The following PDE8A variants were observed in gnomAD, a reference collection of about 807,000 sequenced individuals.
PDE8A encodes the protein phosphodiesterase 8A.
In PDE8A, 59 loss-of-function variants were observed where a neutral mutation model predicts 105.0. The ratio of observed to expected loss-of-function variants is 0.56; its 90% CI spans 0.46 to 0.70. The LOEUF (loss-of-function observed/expected upper bound fraction) is 0.70. PDE8A is among the 30% of genes least tolerant of loss of function. The pLI is 0.00. For synonymous variants in PDE8A, 355 were observed against 371.9 expected (o/e 0.95, Z 0.52); for missense variants, 1,014 against 1,045.9 (o/e 0.97, Z 0.42).
chr15:85,118,746 C>A (rs2082134701), intron 17 of PDE8A, among the ~76,000 whole-genome samples: 2 of 152,218 alleles, frequency 1.3e-5, no homozygotes, highest in South Asian at 4.1e-4. Flanking sequence ...GCTCCCTTGA[C>A]TGGGGCCTAA....
chr15:85,054,105 T>A (rs2081020538), intron 1 of PDE8A, among the ~76,000 whole-genome samples: 1 of 150,694 alleles, frequency 6.6e-6, no homozygotes, highest in South Asian at 2.1e-4. Flanking sequence ...GTTCTGTTTA[T>A]ATGCTGGATT....
intron 20 of PDE8A, among the ~76,000 whole-genome samples, chr15:85,134,390 G>A (rs1345644867): frequency 6.6e-6 from 1 of 152,160 alleles, no homozygotes; most frequent in Non-Finnish European, 1.5e-5. Context: ...GGCCCATGGG[G>A]TGTGAACCCA....
chr15:84,997,181 G>A (rs575505290), intron 1 of PDE8A, among the ~76,000 whole-genome samples: 1 of 151,792 alleles, frequency 6.6e-6, no homozygotes, highest in African/African-American at 2.4e-5. Flanking sequence ...TACTCTATAA[G>A]CTTTTCTCCA....
chr15:84,985,435 A>C (rs1235259318), intron 1 of PDE8A, among the ~76,000 whole-genome samples: 1 of 152,200 alleles, frequency 6.6e-6, no homozygotes, highest in Non-Finnish European at 1.5e-5. Context: ...AATCAGTGTG[A>C]GTGAGCCTTA....
chr15:85,075,460 G>T (rs905138780), intron 3 of PDE8A, among the ~76,000 whole-genome samples: 3 of 152,190 alleles, frequency 2.0e-5, no homozygotes, highest in Non-Finnish European at 4.4e-5. Flanking sequence ...TATCCCCGTT[G>T]TAAGCATAGC....
chr15:85,051,920 C>T (rs145425801), intron 1 of PDE8A, among the ~76,000 whole-genome samples: 239 of 152,168 alleles, frequency 1.6e-3, no homozygotes, highest in African/African-American at 5.3e-3. Flanking sequence ...GTGCTGCACC[C>T]GTTAACTCAT....
chr15:85,072,348 G>C (rs138795447), intron 3 of PDE8A, among the ~76,000 whole-genome samples: 1 of 152,294 alleles, frequency 6.6e-6, no homozygotes, highest in African/African-American at 2.4e-5. Flanking sequence ...ATTATTTGTA[G>C]TTGCCTAGAG....
At chr15:85,035,788 C>G (rs549712939) in intron 1 of PDE8A, among the ~76,000 whole-genome samples, 2 of 152,168 alleles carry the variant, frequency 1.3e-5, no homozygotes, top group South Asian at 4.1e-4. Flanking sequence ...ATAAACAGAC[C>G]AACTTTCTGA....
In PDE8A at chr15:85,070,087, C is replaced by G. The variant is rs532231562; in HGVS notation, c.434+2883C>G. On this transcript the variant is annotated intron_variant, in intron 3 of 21. Transcript: ENST00000394553. Reference sequence around the variant, plus strand: ...CCTGTCTCTGAGCTGACTTACATGGCTCTTGAGACCTTAGCCCTGCAGAAT... The same window carrying G: ...CCTGTCTCTGAGCTGACTTACATGGGTCTTGAGACCTTAGCCCTGCAGAAT... 2.0e-5 allele frequency among the ~76,000 whole-genome samples: 3 copies of G among 152,260 alleles called. No individual in the cohort carries two copies. In the East Asian group the frequency reaches 5.8e-4, roughly 29 times the overall value.
Position 85,115,725 on chromosome 15 carries a change from G to C in PDE8A, c.1399+238G>C, listed in dbSNP as rs1217856021. ...TCACAAGGTCAGGAGTTCAAGACCA[G>C]CCTGGCCAACATGGCAAAATCCTGT... is the stretch of plus-strand genomic sequence containing the variant. On this transcript the variant is annotated intron_variant, in intron 15 of 21. Transcript: ENST00000394553. 4 of 542,028 alleles carry C rather than the reference G, an allele frequency of 7.4e-6. No individual in the cohort carries two copies. In the Admixed American group the frequency reaches 1.4e-4, roughly 19 times the overall value. 33.6% of individuals were successfully genotyped at this position (542,028 alleles called of 1,614,324 possible).
Position 85,126,232 on chromosome 15 carries a change from T to A in PDE8A, c.2111T>A (p.Ile704Lys), listed in dbSNP as rs1212958492. 1 of 1,608,086 alleles carries A rather than the reference T, an allele frequency of 6.2e-7. No individual in the cohort carries two copies. Among genetic ancestry groups the A allele is most frequent in the Non-Finnish European group, 8.5e-7 (1 of 1,177,644 alleles). ...NGETDKNQEVINTMLRTPENR... is the reference protein window; with the variant it reads ...NGETDKNQEVKNTMLRTPENR... ...GAAACTGATAAAAACCAGGAAGTGATAAACACTATGCTTAGGACTCCAGAG... is the reference window on the plus strand; with the variant it reads ...GAAACTGATAAAAACCAGGAAGTGAAAAACACTATGCTTAGGACTCCAGAG... The change falls in exon 20 of 22, where the codon ATA (isoleucine) becomes AAA (lysine). Residue 704 changes from isoleucine (I) to lysine (K), a missense_variant. Transcript: ENST00000394553.
intron 1 of PDE8A, among the ~76,000 whole-genome samples, chr15:85,001,193 T>C (rs532566122): frequency 1.3e-5 from 2 of 152,312 alleles, no homozygotes; most frequent in African/African-American, 4.8e-5. Flanking sequence ...TCTGGACTTT[T>C]GACGGTGCAG....
intron 1 of PDE8A, among the ~76,000 whole-genome samples, chr15:85,025,692 G>T (rs2080504917): frequency 6.6e-6 from 1 of 152,202 alleles, no homozygotes; most frequent in African/African-American, 2.4e-5. Flanking sequence ...AGGGCTGACA[G>T]TGTTGAAGTG....
intron 3 of PDE8A, among the ~76,000 whole-genome samples, chr15:85,072,342 T>C (rs776672186): frequency 6.6e-6 from 1 of 152,216 alleles, no homozygotes; most frequent in Non-Finnish European, 1.5e-5. Context: ...ATCAGAATTA[T>C]TTGTAGTTGC....
chr15:85,062,390 G>T (rs1467626501), intron 1 of PDE8A: 6 of 152,130 alleles, frequency 3.9e-5, no homozygotes, highest in Admixed American at 6.5e-5. Context: ...AGTTTTCCCT[G>T]TATATGCCAT....
chr15:85,036,435 C>T (rs913629948), intron 1 of PDE8A, among the ~76,000 whole-genome samples: 21 of 152,198 alleles, frequency 1.4e-4, no homozygotes, highest in African/African-American at 4.8e-4. Context: ...GGAAGCAGAG[C>T]CACTTTATTC....
chr15:85,070,977 C>T (rs537524005), intron 3 of PDE8A, among the ~76,000 whole-genome samples: 1 of 152,168 alleles, frequency 6.6e-6, no homozygotes, highest in East Asian at 1.9e-4. Flanking sequence ...ATCAATGTCT[C>T]CTCCCAACTT....
intron 5 of PDE8A, among the ~76,000 whole-genome samples, chr15:85,081,852 A>C (rs1789869039): frequency 6.6e-6 from 1 of 152,156 alleles, no homozygotes; most frequent in South Asian, 2.1e-4. Context: ...GGGGTAAAAA[A>C]GTTTGGTGGA....
At chr15:84,999,605 T>C (rs924510439) in intron 1 of PDE8A, among the ~76,000 whole-genome samples, 4 of 151,796 alleles carry the variant, frequency 2.6e-5, no homozygotes, top group African/African-American at 9.7e-5. Context: ...AGACGGAGTC[T>C]CGCTCTGTCG....
Sources: allele counts gnomAD v4.1 joint callset (sites outside exome capture counted in the v4.1 genomes callset), GRCh38; gene constraint gnomAD v4.1.1; transcripts MANE v1.5; gene names NCBI Gene and HGNC (gene_info 2026-07-23, HGNC 2026-07-21).